Variants in TAFA1 observed in about 807,000 individuals in gnomAD.
TAFA1 encodes chemokine-like protein TAFA-1.
TAFA1 carries 4 observed loss-of-function variants against 18.5 expected under a neutral mutation model. That is an observed-to-expected ratio of 0.22 (90% CI 0.11 to 0.49). The LOEUF (loss-of-function observed/expected upper bound fraction) is 0.49. Ranked by LOEUF, TAFA1 falls within the 20% of genes least tolerant of loss-of-function variation. TAFA1 has a pLI of 0.98. For synonymous variants in TAFA1, 56 were observed against 55.2 expected, an observed-to-expected ratio of 1.01 and a Z score of -0.06; for missense variants, 147 against 169.0, an observed-to-expected ratio of 0.87 and a Z score of 0.72.
At chr3:68,126,600 G>A (rs2065467787) in intron 2 of TAFA1, among the ~76,000 whole-genome samples, 1 of 152,176 alleles carries the variant, frequency 6.6e-6, no homozygotes, top group Non-Finnish European at 1.5e-5. Flanking sequence ...ATCCTGTTAT[G>A]GGCCCACCCC....
intron 2 of TAFA1, among the ~76,000 whole-genome samples, chr3:68,066,794 C>T (rs773827169): frequency 6.6e-6 from 1 of 152,078 alleles, no homozygotes; most frequent in Admixed American, 6.6e-5. Context: ...TAACCTGGGA[C>T]TAAGATCTGC....
intron 2 of TAFA1, among the ~76,000 whole-genome samples, chr3:68,087,596 A>G (rs892079984): frequency 8.5e-5 from 10 of 118,302 alleles, no homozygotes; most frequent in Non-Finnish European, 1.6e-5. Flanking sequence ...CCTTCCTTCC[A>G]TTCTTCCTTC....
At chr3:68,045,507 A>G (rs1705249331) in intron 2 of TAFA1, among the ~76,000 whole-genome samples, 1 of 152,062 alleles carries the variant, frequency 6.6e-6, no homozygotes, top group Non-Finnish European at 1.5e-5. Flanking sequence ...CTTTACCACA[A>G]ATTGTGCGGC....
At chr3:68,071,279 G>T (rs2064751441) in intron 2 of TAFA1, among the ~76,000 whole-genome samples, 1 of 152,236 alleles carries the variant, frequency 6.6e-6, no homozygotes, top group Non-Finnish European at 1.5e-5. Flanking sequence ...GAGAGCTTGT[G>T]CAGGGAAACG....
upstream of TAFA1, among the ~76,000 whole-genome samples, chr3:68,002,619 AT>A (rs1205260142): frequency 2.0e-5 from 3 of 152,234 alleles, no homozygotes; most frequent in Non-Finnish European, 2.9e-5. Flanking sequence ...ATGAATAATC[AT>A]TTTTTGAGAC....
chr3:68,148,048 T>G (rs1438489810), intron 2 of TAFA1, among the ~76,000 whole-genome samples: 1 of 152,238 alleles, frequency 6.6e-6, no homozygotes, highest in Non-Finnish European at 1.5e-5. Flanking sequence ...GTTCTTGTCT[T>G]TGACCTCTGC....
chr3:68,145,037 A>C, intron 2 of TAFA1: 1 of 1,606,860 alleles, frequency 6.2e-7, no homozygotes, highest in Non-Finnish European at 8.5e-7. Context: ...AAGCGCCTTT[A>C]GTTTCAAAAA....
intron 2 of TAFA1, among the ~76,000 whole-genome samples, chr3:68,186,921 G>A (rs1314475693): frequency 6.6e-6 from 1 of 151,734 alleles, no homozygotes; most frequent in African/African-American, 2.4e-5. Flanking sequence ...AAAATCATCT[G>A]TCCTTCTTAT....
intron 2 of TAFA1, among the ~76,000 whole-genome samples, chr3:68,069,307 T>A (rs899159900): frequency 6.6e-6 from 1 of 152,218 alleles, no homozygotes; most frequent in Non-Finnish European, 1.5e-5. Context: ...AGTCACATTT[T>A]ATGTGGATGG....
intron 2 of TAFA1, among the ~76,000 whole-genome samples, chr3:68,320,783 C>A (rs1159014196): frequency 6.6e-6 from 1 of 152,126 alleles, no homozygotes; most frequent in Admixed American, 6.5e-5. Flanking sequence ...TGAAACAAGG[C>A]AGGAATTTGA....
At chr3:68,119,438 A>G (rs1303661575) in intron 2 of TAFA1, among the ~76,000 whole-genome samples, 1 of 152,070 alleles carries the variant, frequency 6.6e-6, no homozygotes, top group Non-Finnish European at 1.5e-5. Context: ...TCTTGGTGTC[A>G]TATCCAAGAA....
At chr3:68,212,928 G>A (rs1234877241) in intron 2 of TAFA1, among the ~76,000 whole-genome samples, 1 of 151,890 alleles carries the variant, frequency 6.6e-6, no homozygotes, top group Admixed American at 6.6e-5. Flanking sequence ...AGCCAAAGGA[G>A]GAAAAGTCAT....
chr3:68,122,318 A>G (rs1360432882), intron 2 of TAFA1, among the ~76,000 whole-genome samples: 1 of 152,166 alleles, frequency 6.6e-6, no homozygotes, highest in Non-Finnish European at 1.5e-5. Flanking sequence ...ACACTAGGAG[A>G]AGTGACCCCT....
intron 2 of TAFA1, among the ~76,000 whole-genome samples, chr3:68,267,568 C>T (rs1401558026): frequency 6.6e-6 from 1 of 152,060 alleles, no homozygotes; most frequent in East Asian, 1.9e-4. Context: ...TAAATTTGTG[C>T]AGGGAATTTT....
At chr3:68,143,187 C>T (rs994362932) in intron 2 of TAFA1, among the ~76,000 whole-genome samples, 2 of 152,090 alleles carry the variant, frequency 1.3e-5, no homozygotes, top group African/African-American at 4.8e-5. Context: ...ATTTTAAATA[C>T]CTACTATGTG....
chr3:68,429,614 C>T (rs1229003740), intron 3 of TAFA1, among the ~76,000 whole-genome samples: 1 of 151,942 alleles, frequency 6.6e-6, no homozygotes, highest in African/African-American at 2.4e-5. Flanking sequence ...TCAACATACA[C>T]ACCATCATCA....
intron 3 of TAFA1, among the ~76,000 whole-genome samples, chr3:68,424,648 G>A (rs530201911): frequency 6.6e-6 from 1 of 151,934 alleles, no homozygotes; most frequent in African/African-American, 2.4e-5. Flanking sequence ...AGAGAAAAAG[G>A]TTTGATAATT....
chr3:68,493,402 G>T (rs995906147), intron 3 of TAFA1, among the ~76,000 whole-genome samples: 1 of 152,118 alleles, frequency 6.6e-6, no homozygotes, highest in African/African-American at 2.4e-5. Context: ...TGGACACTTG[G>T]GTTGCTACTA....
intron 2 of TAFA1, among the ~76,000 whole-genome samples, chr3:68,189,368 C>T (rs752589479): frequency 7.2e-5 from 11 of 151,904 alleles, no homozygotes; most frequent in Non-Finnish European, 1.0e-4. Context: ...TACTACCATT[C>T]AACCCTGTCC....
Sources: gnomAD v4.1 joint callset for allele counts (sites outside exome capture counted in the v4.1 genomes callset) on GRCh38, gnomAD v4.1.1 for gene constraint, MANE v1.5 for transcripts, NCBI Gene and HGNC (gene_info 2026-07-23, HGNC 2026-07-21) for gene names.